RABGAP1L: variants seen among roughly 807,000 people sequenced by gnomAD.
RABGAP1L encodes rab GTPase-activating protein 1-like.
A neutral mutation model predicts 137.7 loss-of-function variants in RABGAP1L; 63 were observed. That is an observed-to-expected ratio of 0.46 (90% CI 0.37 to 0.56). The LOEUF (loss-of-function observed/expected upper bound fraction) is 0.56, where lower values mean the gene tolerates loss of function less well. RABGAP1L is among the 20% of genes least tolerant of loss of function. RABGAP1L has a pLI of 0.00. For missense variants in RABGAP1L, 1,095 were observed against 1,244.0 expected (o/e 0.88, Z 1.80); for synonymous variants, 431 against 433.7 (o/e 0.99, Z 0.08).
rs570808276 is a variant in RABGAP1L at position 174,695,282 on chromosome 1, G to A, written c.1900-4243G>A. On this transcript the variant is annotated intron_variant, in intron 15 of 25. Coordinates refer to ENST00000681986, the MANE Select transcript of RABGAP1L (RefSeq NM_001366446.1). ...GCTATTTTCTAGATCTTGCAGGCAT[G>A]CCTAATGTCTTTTTATTCTTTTTGT... Among the ~76,000 whole-genome samples, 77 of 152,076 alleles carry A rather than the reference G, an allele frequency of 5.1e-4. No homozygotes were observed. The Middle Eastern group carries it at 0.017, about 34-fold the overall frequency.
intron 10 of RABGAP1L, among the ~76,000 whole-genome samples, 173 bp downstream of exon 10, chr1:174,278,952 T>C (rs914078185): frequency 6.6e-6 from 1 of 152,148 alleles, no homozygotes; most frequent in Non-Finnish European, 1.5e-5. Context: ...CTAGGTAATA[T>C]TAGCTAAAAA....
chr1:174,628,914 T>C (rs893635008), intron 13 of RABGAP1L, among the ~76,000 whole-genome samples: 3 of 152,300 alleles, frequency 2.0e-5, no homozygotes, highest in Admixed American at 2.0e-4. Flanking sequence ...TATAAAATGT[T>C]TTCAGCCATA....
chr1:174,761,197 T>C lies in RABGAP1L; in HGVS notation c.2211+8843T>C, dbSNP rs1369564617. On this transcript the variant is annotated intron_variant, in intron 18 of 25. Transcript: ENST00000681986. The surrounding 1 kb of genome is among the most constrained non-coding windows in gnomAD (Gnocchi z 4.0). The stretch of plus-strand genomic sequence containing the variant: ...GCAGCAGACAAAGAGAGAGGGCTTG[T>C]GTAGGGAAACTCTTGTTTTTATTTA... Among the ~76,000 whole-genome samples the C allele has an allele frequency of 1.3e-5, 2 of 152,336 alleles. No individual in the cohort carries two copies. The highest frequency in any genetic ancestry group is 3.9e-4 in the East Asian group (2 of 5,192).
intron 21 of RABGAP1L, among the ~76,000 whole-genome samples, chr1:174,973,753 A>G (rs1020521381): frequency 1.3e-5 from 2 of 152,048 alleles, no homozygotes; most frequent in African/African-American, 4.8e-5. Flanking sequence ...ACCAAACTGA[A>G]AAAAAAACAT....
chr1:174,633,701 A>G lies in RABGAP1L; in HGVS notation c.1711-3674A>G, dbSNP rs955392633. ...CAAAACAGAGATATAGATCAATGGAACAGAACAGAGCCCTCAGAAATAACG... is the reference window on the plus strand; with the variant it reads ...CAAAACAGAGATATAGATCAATGGAGCAGAACAGAGCCCTCAGAAATAACG... On this transcript the variant is annotated intron_variant, in intron 13 of 25. Coordinates refer to ENST00000681986, the MANE Select transcript of RABGAP1L (RefSeq NM_001366446.1). Among the ~76,000 whole-genome samples the G allele has an allele frequency of 1.4e-3, 187 of 131,612 alleles. 4 individuals are homozygous for G. Among genetic ancestry groups the G allele is most frequent in the South Asian group, 0.012 (49 of 4,054 alleles). 86.3% of individuals were successfully genotyped at this position (131,612 alleles called of 152,430 possible).
At chr1:174,804,443 G>T (rs988706208) in intron 18 of RABGAP1L, among the ~76,000 whole-genome samples, 1 of 151,702 alleles carries the variant, frequency 6.6e-6, no homozygotes, top group African/African-American at 2.4e-5. Context: ...GCTTATTTTT[G>T]TATTTTTTGT....
At chr1:174,365,801 G>T (rs942856871) in intron 11 of RABGAP1L, among the ~76,000 whole-genome samples, 4 of 152,192 alleles carry the variant, frequency 2.6e-5, no homozygotes, top group African/African-American at 9.6e-5. Context: ...ACCATGCGCT[G>T]TGATTGCTCA....
rs892211273 is a variant in RABGAP1L at position 174,164,465 on chromosome 1, A to C, written c.-34+4808A>C. Among the ~76,000 whole-genome samples, 3 of 152,206 alleles carry C rather than the reference A, an allele frequency of 2.0e-5. No homozygotes were observed. The South Asian group carries it at 6.2e-4, about 32-fold the overall frequency. ...GATTCCGCAAGCGCACACACACACA[A>C]AGTTGAAAGTTTGGTGAAATAATAT... is the stretch of plus-strand genomic sequence containing the variant. On this transcript the variant is annotated intron_variant, in intron 1 of 25. Transcript: ENST00000681986.
In RABGAP1L at chr1:174,615,169, TC is replaced by T. The variant is rs569435784; in HGVS notation, c.1711-22204del. Among the ~76,000 whole-genome samples, 299 of 152,348 alleles carry T rather than the reference TC, an allele frequency of 2.0e-3. 1 individual carries two copies. The highest frequency in any genetic ancestry group is 6.8e-3 in the African/African-American group (284 of 41,590). On this transcript the variant is annotated intron_variant, in intron 13 of 25. Coordinates refer to ENST00000681986, the MANE Select transcript of RABGAP1L (RefSeq NM_001366446.1). ...AAGAGGTGCTCTGCTTTTTACAGTT[TC>T]CAGTTTTTCTGCTCTGTTTTTTCCC...
intron 19 of RABGAP1L, among the ~76,000 whole-genome samples, chr1:174,863,241 A>AAAAAAAAAAAAAAAAAG: frequency 6.7e-6 from 1 of 148,502 alleles, no homozygotes; most frequent in Non-Finnish European, 1.5e-5. Context: ...AGCAAAAAAA[A>AAAAAAAAAAAAAAAAAG]AAAAAAAGAA....
intron 13 of RABGAP1L, among the ~76,000 whole-genome samples, chr1:174,581,103 A>G (rs896078641): frequency 6.6e-6 from 1 of 152,184 alleles, no homozygotes; most frequent in Non-Finnish European, 1.5e-5. Flanking sequence ...TGCCTTGGAA[A>G]ACAGCTGACA....
At chr1:174,558,877 A>G (rs1266591647) in intron 13 of RABGAP1L, among the ~76,000 whole-genome samples, 6 of 152,204 alleles carry the variant, frequency 3.9e-5, no homozygotes, top group Admixed American at 2.0e-4. Flanking sequence ...TGCATTCTAG[A>G]CAAATGTAGA....
chr1:174,213,861 A>G (rs995767152), intron 1 of RABGAP1L, among the ~76,000 whole-genome samples: 5 of 152,232 alleles, frequency 3.3e-5, no homozygotes, highest in Admixed American at 6.5e-5. Context: ...AAAGCCATGT[A>G]TGAGAGACCC....
intron 17 of RABGAP1L, among the ~76,000 whole-genome samples, chr1:174,706,932 C>T (rs1435549025): frequency 6.6e-6 from 1 of 152,144 alleles, no homozygotes; most frequent in Non-Finnish European, 1.5e-5. Flanking sequence ...TTTCCATTCT[C>T]CCATTCTATT....
chr1:174,656,293 A>C (rs564378068), intron 14 of RABGAP1L, among the ~76,000 whole-genome samples: 1 of 152,268 alleles, frequency 6.6e-6, no homozygotes, highest in Non-Finnish European at 1.5e-5. Flanking sequence ...CTCCGTCTCT[A>C]CTAAAAATAC....
chr1:174,274,986 A>C (rs1176011626), intron 8 of RABGAP1L: 1 of 152,198 alleles, frequency 6.6e-6, no homozygotes, highest in Non-Finnish European at 1.5e-5. Context: ...GTTCATTTGC[A>C]TATGGAAATA....
intron 17 of RABGAP1L, among the ~76,000 whole-genome samples, chr1:174,711,039 G>A (rs964449130): frequency 6.6e-6 from 1 of 152,160 alleles, no homozygotes; most frequent in East Asian, 1.9e-4. Context: ...AGCCCGGCGA[G>A]AAGTCGAGCA....
At position 174,389,166 on chromosome 1, in the gene RABGAP1L, A is replaced by G. The variant is rs137977483; in HGVS notation, c.1560-4829A>G. Among the ~76,000 whole-genome samples, 455 of 152,082 alleles carry G rather than the reference A, an allele frequency of 3.0e-3. 2 individuals are homozygous for G. Among genetic ancestry groups the G allele is most frequent in the Non-Finnish European group, 4.9e-3 (333 of 67,896 alleles). On this transcript the variant is annotated intron_variant, in intron 12 of 25. Transcript: ENST00000681986. Reference sequence around the variant, plus strand: ...TTTAATCTATCCTTTTTCTTGAAACATTTCTTAATGTAGGTCGTATAACTT... The same window carrying G: ...TTTAATCTATCCTTTTTCTTGAAACGTTTCTTAATGTAGGTCGTATAACTT...
chr1:174,216,123 C>G (rs1669300651), intron 1 of RABGAP1L, among the ~76,000 whole-genome samples: 1 of 151,896 alleles, frequency 6.6e-6, no homozygotes, highest in Non-Finnish European at 1.5e-5. Context: ...AGAATTAGAA[C>G]AATGATTACC....
Sources: allele counts gnomAD v4.1 joint callset (sites outside exome capture counted in the v4.1 genomes callset), GRCh38; gene constraint gnomAD v4.1.1; non-coding constraint Gnocchi (gnomAD v3.1); transcripts MANE v1.5; gene names NCBI Gene and HGNC (gene_info 2026-07-23, HGNC 2026-07-21).